Variants in SGCZ observed in about 807,000 individuals in gnomAD.
SGCZ encodes the protein sarcoglycan zeta, also known as zeta-sarcoglycan.
Under a neutral mutation model 41.3 loss-of-function variants are expected in SGCZ, and 40 were observed. The observed-to-expected ratio is 0.97, with a 90% CI of 0.75 to 1.26. The LOEUF is 1.26. Ranked by LOEUF, SGCZ falls within the 50% of genes most tolerant of loss-of-function variation. The probability of loss-of-function intolerance (pLI) is 0.00; values close to 1 mark genes in which losing one functional copy is unlikely to be tolerated. For missense variants in SGCZ, 552 were observed against 369.8 expected (o/e 1.49, Z -4.04); for synonymous variants, 206 against 137.5 (o/e 1.50, Z -3.49).
chr8:14,131,498 T>C (rs1359934271), intron 5 of SGCZ, among the ~76,000 whole-genome samples: 1 of 152,220 alleles, frequency 6.6e-6, no homozygotes, highest in African/African-American at 2.4e-5. Flanking sequence ...TGACAAATTA[T>C]TGATCTTATT....
chr8:15,179,471 G>T (rs556005450), intron 1 of SGCZ, among the ~76,000 whole-genome samples: 2 of 152,222 alleles, frequency 1.3e-5, no homozygotes, highest in Admixed American at 1.3e-4. Context: ...GCATTAAAGG[G>T]TTTTCATGAT....
chr8:15,066,310 G>T (rs1273378914), intron 1 of SGCZ, among the ~76,000 whole-genome samples: 10 of 83,018 alleles, frequency 1.2e-4, no homozygotes, highest in Non-Finnish European at 2.0e-4. Context: ...GCGAGACTCC[G>T]TCTCCAAAAA....
Position 14,086,835 on chromosome 8 carries a change from C to A in SGCZ, c.*3608G>T, listed in dbSNP as rs1200462123. Among the ~76,000 whole-genome samples the A allele has an allele frequency of 1.3e-5, 2 of 151,622 alleles. No homozygotes were observed. Among genetic ancestry groups the A allele is most frequent in the African/African-American group, 4.8e-5 (2 of 41,356 alleles). On this transcript the variant is annotated 3_prime_UTR_variant, in exon 8 of 8. Transcript: ENST00000382080. ...AAGGTGCAGAAGGAGATCACAAATG[C>A]TAGTTCAGATATGGCTACTTAACCT...
chr8:14,500,962 A>AC (rs1802134901), intron 2 of SGCZ, among the ~76,000 whole-genome samples: 1 of 151,848 alleles, frequency 6.6e-6, no homozygotes, highest in Non-Finnish European at 1.5e-5. Context: ...GGTGTAAAAA[A>AC]AAAATTACAA....
chr8:14,762,665 C>T (rs1342479854), intron 1 of SGCZ, among the ~76,000 whole-genome samples: 2 of 152,152 alleles, frequency 1.3e-5, no homozygotes, highest in Admixed American at 1.3e-4. Flanking sequence ...CAGGAAATTT[C>T]TATCCTATGA....
intron 3 of SGCZ, among the ~76,000 whole-genome samples, chr8:14,239,966 T>C (rs181257524): frequency 1.1e-3 from 128 of 121,464 alleles, no homozygotes; most frequent in African/African-American, 4.2e-3. Flanking sequence ...CATGTTAAAA[T>C]AGAATAATTA....
At chr8:15,194,560 C>A (rs897762183) in intron 1 of SGCZ, among the ~76,000 whole-genome samples, 1 of 152,034 alleles carries the variant, frequency 6.6e-6, no homozygotes, top group African/African-American at 2.4e-5. Flanking sequence ...CCAAGTGGGC[C>A]AATGGAATCA....
intron 1 of SGCZ, among the ~76,000 whole-genome samples, chr8:14,611,549 C>A (rs1289255818): frequency 6.6e-6 from 1 of 151,986 alleles, no homozygotes; most frequent in Admixed American, 6.6e-5. Flanking sequence ...AAGAGTCCTC[C>A]AGTAATTTAG....
chr8:14,675,056 A>G (rs1054275286), intron 1 of SGCZ, among the ~76,000 whole-genome samples: 6 of 144,056 alleles, frequency 4.2e-5, no homozygotes, highest in African/African-American at 1.5e-4. Flanking sequence ...CTCCTGCTTC[A>G]GCCTCAGGAG....
chr8:14,150,509 G>A (rs1197026104), intron 5 of SGCZ, among the ~76,000 whole-genome samples: 2 of 152,078 alleles, frequency 1.3e-5, no homozygotes, highest in Non-Finnish European at 2.9e-5. Flanking sequence ...ATATCCAAAG[G>A]ACAGGCAATA....
intron 1 of SGCZ, among the ~76,000 whole-genome samples, chr8:15,042,308 T>C (rs188368586): frequency 2.2e-4 from 33 of 152,292 alleles, no homozygotes; most frequent in African/African-American, 7.7e-4. Context: ...GATGCCTCTC[T>C]TCTGGGCTCC....
In SGCZ at chr8:14,350,244, C is replaced by CTT. The variant is rs35489045; in HGVS notation, c.235-26042_235-26041dup. ...TATTCAATAATCTTAAGGAGCAAAACTTTTTTTTTTTTTACCTAAGTATGC... is the reference window on the plus strand; with the variant it reads ...TATTCAATAATCTTAAGGAGCAAAACTTTTTTTTTTTTTTTACCTAAGTATGC... On this transcript the variant is annotated intron_variant, in intron 2 of 7. Coordinates refer to ENST00000382080, the MANE Select transcript of SGCZ (RefSeq NM_139167.4). 6.9e-5 allele frequency among the ~76,000 whole-genome samples: 10 copies of CTT among 144,748 alleles called. No individual in the cohort carries two copies. The East Asian group carries it at 8.0e-4, about 12-fold the overall frequency. The allele number at this position is 144,748 out of a possible 152,430, so 95.0% of individuals were successfully genotyped here.
At chr8:14,724,962 G>T (rs1030076488) in intron 1 of SGCZ, among the ~76,000 whole-genome samples, 18 of 151,470 alleles carry the variant, frequency 1.2e-4, no homozygotes, top group Admixed American at 7.2e-4. Context: ...CTGTACTTTT[G>T]TACCATTAAC....
At chr8:14,964,300 T>C (rs1279795039) in intron 1 of SGCZ, among the ~76,000 whole-genome samples, 2 of 152,136 alleles carry the variant, frequency 1.3e-5, no homozygotes, top group South Asian at 2.1e-4. Context: ...ACAAGACATG[T>C]AAACAAGATA....
chr8:15,062,673 G>A (rs1040900580), intron 1 of SGCZ, among the ~76,000 whole-genome samples: 4 of 152,156 alleles, frequency 2.6e-5, no homozygotes, highest in African/African-American at 9.6e-5. Flanking sequence ...GATTTTAAAA[G>A]AGGAGCATCA....
At chr8:14,761,678 G>A (rs756607410) in intron 1 of SGCZ, among the ~76,000 whole-genome samples, 3 of 151,392 alleles carry the variant, frequency 2.0e-5, no homozygotes, top group African/African-American at 4.9e-5. Context: ...GGTATGCGCC[G>A]CCACACCTGG....
intron 1 of SGCZ, among the ~76,000 whole-genome samples, chr8:15,113,112 G>A (rs1585576251): frequency 6.6e-6 from 1 of 151,686 alleles, no homozygotes; most frequent in African/African-American, 2.4e-5. Context: ...AGGAGACTGA[G>A]GTGGGAGCAG....
In SGCZ at chr8:14,964,604, G is replaced by A. The variant is rs142156122; in HGVS notation, c.39+272981C>T. Among the ~76,000 whole-genome samples, 34 of 152,298 alleles carry A rather than the reference G, an allele frequency of 2.2e-4. 1 individual carries two copies. Among genetic ancestry groups the A allele is most frequent in the Admixed American group, 2.0e-3 (30 of 15,294 alleles). On this transcript the variant is annotated intron_variant, in intron 1 of 7. Coordinates refer to ENST00000382080, the MANE Select transcript of SGCZ (RefSeq NM_139167.4). ...TATTTGAATTCAGCCAATCCCACAC[G>A]TAGCTTTGCAATGGGATAACCCTGA...
intron 1 of SGCZ, among the ~76,000 whole-genome samples, chr8:15,079,080 C>G (rs1486604096): frequency 6.6e-6 from 1 of 152,134 alleles, no homozygotes; most frequent in African/African-American, 2.4e-5. Flanking sequence ...CCTTCTTCCT[C>G]CCAAATCTAG....
Sources: allele counts gnomAD v4.1 joint callset (sites outside exome capture counted in the v4.1 genomes callset), GRCh38; gene constraint gnomAD v4.1.1; transcripts MANE v1.5; gene names NCBI Gene and HGNC (gene_info 2026-07-23, HGNC 2026-07-21).